Variants in FLRT1 observed in about 807,000 individuals in gnomAD.
The protein encoded by FLRT1 is leucine-rich repeat transmembrane protein FLRT1.
A neutral mutation model predicts 30.9 loss-of-function variants in FLRT1; 14 were observed. That is an observed-to-expected ratio of 0.45 (90% confidence interval 0.30 to 0.71). The LOEUF is 0.71. Ranked by LOEUF, FLRT1 falls within the 30% of genes least tolerant of loss-of-function variation. The probability of loss-of-function intolerance (pLI) is 0.08; values close to 1 mark genes in which losing one functional copy is unlikely to be tolerated. For synonymous variants in FLRT1, 368 were observed against 430.4 expected (o/e 0.85, Z 1.80); for missense variants, 737 against 949.2 (o/e 0.78, Z 2.94).
In FLRT1 at chr11:64,118,160, A is replaced by G. The variant is rs4379854; in HGVS notation, c.1893A>G (p.Glu631=). Residue 631 remains glutamate (E), a synonymous_variant, in exon 3 of 3, where the codon GAA becomes GAG. Coordinates refer to ENST00000682287, the MANE Select transcript of FLRT1 (RefSeq NM_013280.5). ...CCATCAACCCGTACCGCGCCAAAGA[A>G]GAGTACGTGGTCCACACTATCTTCC... ...MLPINPYRAK[E]EYVVHTIFPS... 1,601,383 of 1,613,808 alleles carry G rather than the reference A, an allele frequency of 0.99. 795,342 individuals carry two copies. Among genetic ancestry groups the G allele is most frequent in the East Asian group, 1 (44,889 of 44,890 alleles).
At chr11:64,045,656 T>A (rs1302127077) in intron 1 of FLRT1, among the ~76,000 whole-genome samples, 1 of 152,170 alleles carries the variant, frequency 6.6e-6, no homozygotes, top group Non-Finnish European at 1.5e-5. Context: ...AGACTGCTCC[T>A]GGGGTCTCAA....
chr11:64,054,744 A>T (rs1943752736), intron 1 of FLRT1, among the ~76,000 whole-genome samples: 1 of 152,048 alleles, frequency 6.6e-6, no homozygotes, highest in Non-Finnish European at 1.5e-5. Context: ...TTCCTGCCTG[A>T]ACCCCCACCT....
intron 1 of FLRT1, among the ~76,000 whole-genome samples, chr11:64,089,833 C>T (rs912674020): frequency 1.3e-5 from 2 of 152,140 alleles, no homozygotes; most frequent in Non-Finnish European, 2.9e-5. Context: ...AGGTGTCCTG[C>T]CCCCAGGGAA....
At chr11:64,107,775 C>T (rs1483905364) in intron 2 of FLRT1, among the ~76,000 whole-genome samples, 1 of 152,142 alleles carries the variant, frequency 6.6e-6, no homozygotes, top group African/African-American at 2.4e-5. Flanking sequence ...AGGGTCATGG[C>T]ATCTAGTCCC....
intron 1 of FLRT1, among the ~76,000 whole-genome samples, chr11:64,091,226 A>G (rs4980521): frequency 0.97 from 147,292 of 152,058 alleles, 71,493 homozygotes; most frequent in Middle Eastern, 1. Flanking sequence ...CCTCCGCTGC[A>G]GGGTCTGCAG....
intron 2 of FLRT1, among the ~76,000 whole-genome samples, chr11:64,115,301 A>C (rs1944957071): frequency 6.6e-6 from 1 of 152,180 alleles, no homozygotes; most frequent in African/African-American, 2.4e-5. Flanking sequence ...TACACCTTGC[A>C]GCCAATTCCC....
intron 2 of FLRT1, among the ~76,000 whole-genome samples, chr11:64,110,748 G>A (rs371151410): frequency 3.9e-5 from 6 of 152,174 alleles, no homozygotes; most frequent in Non-Finnish European, 5.9e-5. Flanking sequence ...ACGCAAGGGC[G>A]ACAAGCGATC....
rs1212972131 is a variant in FLRT1 at position 64,117,814 on chromosome 11, A to C, written c.1547A>C (p.Tyr516Ser). ...CMVTMETSNAYVADETPVCAK... is the reference protein window; with the variant it reads ...CMVTMETSNASVADETPVCAK... ...GTCACCATGGAGACCAGCAATGCCT[A>C]CGTAGCTGATGAGACACCCGTGTGT... The change falls in exon 3 of 3, where the codon TAC (tyrosine) becomes TCC (serine). Residue 516 changes from tyrosine (Y) to serine (S), a missense_variant. By Grantham distance (144) the Tyr-to-Ser change is moderately radical. Coordinates refer to ENST00000682287, the MANE Select transcript of FLRT1 (RefSeq NM_013280.5). 1 of 1,614,166 alleles carries C rather than the reference A, an allele frequency of 6.2e-7. No homozygotes were observed. Among genetic ancestry groups the C allele is most frequent in the Admixed American group, 1.7e-5 (1 of 60,036 alleles).
rs774763930 is a variant in FLRT1, at chr11:64,116,712, C to T, written c.445C>T (p.Arg149Cys). The change falls in exon 3 of 3, where the codon CGC becomes TGC. Residue 149 changes from arginine (R) to cysteine (C), a missense_variant. Arg to Cys is a radical substitution (Grantham distance 180). Coordinates refer to ENST00000682287, the MANE Select transcript of FLRT1 (RefSeq NM_013280.5). ...CACCATTGCCAGGGACTCGCTGGCCCGCATCCCGCTGCTGGAGAAGCTGCA... is the reference window on the plus strand; with the variant it reads ...CACCATTGCCAGGGACTCGCTGGCCTGCATCCCGCTGCTGGAGAAGCTGCA... ...VRTIARDSLA[R>C]IPLLEKLHLD... The T allele has an allele frequency of 1.7e-5, 28 of 1,613,610 alleles. No homozygotes were observed. Among genetic ancestry groups the T allele is most frequent in the Non-Finnish European group, 2.1e-5 (25 of 1,180,008 alleles).
chr11:64,111,026 G>A (rs1161249914), intron 2 of FLRT1, among the ~76,000 whole-genome samples: 1 of 152,200 alleles, frequency 6.6e-6, no homozygotes, highest in East Asian at 1.9e-4. Context: ...GAAAGGCCTT[G>A]GGTCCCTGCC....
intron 1 of FLRT1, among the ~76,000 whole-genome samples, chr11:64,050,606 C>T (rs1001123139): frequency 2.6e-5 from 4 of 152,328 alleles, no homozygotes; most frequent in Non-Finnish European, 4.4e-5. Flanking sequence ...GGCTGTCCAG[C>T]GGTGACCATG....
chr11:64,087,869 G>A (rs780012333), intron 1 of FLRT1, among the ~76,000 whole-genome samples: 6 of 152,260 alleles, frequency 3.9e-5, no homozygotes, highest in African/African-American at 1.4e-4. Context: ...GATGAAGGCA[G>A]TGGGTACACA....
At chr11:64,053,635 G>C (rs1333454942) in intron 1 of FLRT1, among the ~76,000 whole-genome samples, 1 of 152,078 alleles carries the variant, frequency 6.6e-6, no homozygotes, top group Non-Finnish European at 1.5e-5. Flanking sequence ...GGGATCTACA[G>C]GGGGCAGCTG....
At chr11:64,083,280 CAAA>C (rs940855123) in intron 1 of FLRT1, among the ~76,000 whole-genome samples, 7 of 152,106 alleles carry the variant, frequency 4.6e-5, no homozygotes, top group African/African-American at 1.7e-4. Context: ...TACTAAAATA[CAAA>C]AAAACAGCTG....
chr11:64,117,015 C>A lies in FLRT1; in HGVS notation c.748C>A (p.Leu250Ile). The change falls in exon 3 of 3, where the codon CTC (leucine) becomes ATC (isoleucine). Residue 250 changes from leucine (L) to isoleucine (I), a missense_variant. Physicochemically the swap from Leu to Ile is conservative, Grantham distance 5. Transcript: ENST00000682287. The stretch of plus-strand genomic sequence containing the variant: ...CGACACCTTCAGCCGCCTACAGAAC[C>A]TCACAGAGCTCTCGCTGGTGCGCAA... ...ADDTFSRLQN[L>I]TELSLVRNSL... 1 of 1,612,560 alleles carries A rather than the reference C, an allele frequency of 6.2e-7. No individual in the cohort carries two copies. The highest frequency in any genetic ancestry group is 2.2e-5 in the East Asian group (1 of 44,796).
intron 1 of FLRT1, among the ~76,000 whole-genome samples, chr11:64,088,508 A>G (rs1027778852): frequency 1.3e-5 from 2 of 152,184 alleles, no homozygotes; most frequent in African/African-American, 4.8e-5. Flanking sequence ...CTTCCTCACC[A>G]GGACGGCAGA....
chr11:64,106,234 A>G (rs952129096), intron 2 of FLRT1, among the ~76,000 whole-genome samples: 14 of 152,068 alleles, frequency 9.2e-5, no homozygotes, highest in Admixed American at 7.2e-4. Context: ...CTGCTGCACA[A>G]TCCAGACCTT....
At chr11:64,085,027 C>T (rs191490494) in intron 1 of FLRT1, among the ~76,000 whole-genome samples, 4 of 152,334 alleles carry the variant, frequency 2.6e-5, no homozygotes, top group Admixed American at 2.6e-4. Context: ...CTATTATCCC[C>T]ATTTTACAGA....
At chr11:64,114,627 G>A (rs1194620125) in intron 2 of FLRT1, among the ~76,000 whole-genome samples, 2 of 150,036 alleles carry the variant, frequency 1.3e-5, no homozygotes, top group Admixed American at 6.6e-5. Context: ...GGATGGACAG[G>A]TGCATGCATG....
Sources: allele counts gnomAD v4.1 joint callset (sites outside exome capture counted in the v4.1 genomes callset), GRCh38; gene constraint gnomAD v4.1.1; transcripts MANE v1.5; gene names NCBI Gene and HGNC (gene_info 2026-07-23, HGNC 2026-07-21).